STK39: variants seen among roughly 807,000 people sequenced by gnomAD.
STK39 encodes STE20/SPS1-related proline-alanine-rich protein kinase.
STK39 carries 20 observed loss-of-function variants against 77.8 expected under a neutral mutation model. That is an observed-to-expected ratio of 0.26 (90% CI 0.18 to 0.37). The LOEUF (loss-of-function observed/expected upper bound fraction) is 0.37. Ranked by LOEUF, STK39 falls within the 10% of genes least tolerant of loss-of-function variation. The probability of loss-of-function intolerance (pLI) is 1.00; values close to 1 mark genes in which losing one functional copy is unlikely to be tolerated. For synonymous variants in STK39, 246 were observed against 234.1 expected, an observed-to-expected ratio of 1.05 and a Z score of -0.47; for missense variants, 479 against 656.5, an observed-to-expected ratio of 0.73 and a Z score of 2.95.
intron 14 of STK39, among the ~76,000 whole-genome samples, chr2:168,033,280 G>T (rs878882339): frequency 1.3e-5 from 2 of 152,090 alleles, no homozygotes; most frequent in Admixed American, 1.3e-4. Flanking sequence ...TGGGCTGAGA[G>T]CATTTGAGGT....
intron 17 of STK39, 40 bp downstream of exon 17, chr2:167,964,622 G>A (rs770376788): frequency 1.3e-6 from 2 of 1,545,348 alleles, no homozygotes; most frequent in Non-Finnish European, 1.8e-6. Flanking sequence ...GCACAGCATG[G>A]CAAAATATTA....
At chr2:168,103,789 T>C (rs1686899453) in intron 10 of STK39, among the ~76,000 whole-genome samples, 1 of 152,232 alleles carries the variant, frequency 6.6e-6, no homozygotes, top group African/African-American at 2.4e-5. Flanking sequence ...TTCTGTAAAC[T>C]TTCTTCTCTT....
At chr2:167,978,576 G>C (rs1364985079) in intron 16 of STK39, among the ~76,000 whole-genome samples, 1 of 152,108 alleles carries the variant, frequency 6.6e-6, no homozygotes, top group Non-Finnish European at 1.5e-5. Context: ...TTATACTAAT[G>C]TAAGCAGCTT....
chr2:168,239,203 T>G lies in STK39; in HGVS notation c.208+8025A>C, dbSNP rs191225984. 5.1e-4 allele frequency among the ~76,000 whole-genome samples: 77 copies of G among 152,228 alleles called. 1 individual carries two copies. Among genetic ancestry groups the G allele is most frequent in the Admixed American group, 5.0e-3 (77 of 15,286 alleles). ...CCCTGATTCCTACACAGGAAGAGGC[T>G]CCACAGAACTTCAAGGTGAGTGTTA... is the stretch of plus-strand genomic sequence containing the variant. On this transcript the variant is annotated intron_variant, in intron 1 of 17. Transcript: ENST00000355999.
intron 5 of STK39, among the ~76,000 whole-genome samples, chr2:168,145,666 A>C (rs908646599): frequency 5.3e-5 from 8 of 152,196 alleles, no homozygotes; most frequent in Admixed American, 2.0e-4. Flanking sequence ...ATGATGTCTA[A>C]AATGTACCTA....
At chr2:168,071,794 C>T (rs138423242) in intron 12 of STK39, among the ~76,000 whole-genome samples, 1,538 of 150,838 alleles carry the variant, frequency 0.01, 31 homozygotes, top group African/African-American at 0.035. Flanking sequence ...GGCGTGAACC[C>T]GGGAAGCACA....
At chr2:167,957,067 AC>A (rs968660410) in intron 17 of STK39, among the ~76,000 whole-genome samples, 3 of 152,062 alleles carry the variant, frequency 2.0e-5, no homozygotes, top group Admixed American at 1.3e-4. Context: ...GTTCAAAAAA[AC>A]AGTACAGAAA....
At chr2:168,202,724 A>G (rs1360823951) in intron 1 of STK39, among the ~76,000 whole-genome samples, 2 of 152,144 alleles carry the variant, frequency 1.3e-5, no homozygotes, top group Admixed American at 1.3e-4. Context: ...CTTCAGAAAC[A>G]TAATATGTGA....
intron 15 of STK39, among the ~76,000 whole-genome samples, chr2:168,013,739 C>A (rs115663479): frequency 1.3e-5 from 2 of 151,912 alleles, no homozygotes; most frequent in Admixed American, 1.3e-4. Context: ...TAACCATAAA[C>A]TGCATTTCCT....
At chr2:168,152,202 C>T (rs1216223708) in intron 5 of STK39, among the ~76,000 whole-genome samples, 1 of 152,198 alleles carries the variant, frequency 6.6e-6, no homozygotes, top group African/African-American at 2.4e-5. Flanking sequence ...AGGAAAAACA[C>T]AGATAATTCC....
intron 10 of STK39, among the ~76,000 whole-genome samples, chr2:168,109,108 G>T (rs573071855): frequency 6.6e-6 from 1 of 152,230 alleles, no homozygotes; most frequent in South Asian, 2.1e-4. Context: ...GACTCTTCAT[G>T]TTGTTGCGAT....
chr2:168,240,058 AAGAC>A, intron 1 of STK39, among the ~76,000 whole-genome samples: 1 of 152,362 alleles, frequency 6.6e-6, no homozygotes, highest in Admixed American at 6.5e-5. Flanking sequence ...TTTAAAAGAA[AAGAC>A]AGAGCTCTTT....
At chr2:167,982,799 A>C (rs1298931378) in intron 16 of STK39, among the ~76,000 whole-genome samples, 3 of 152,200 alleles carry the variant, frequency 2.0e-5, no homozygotes, top group Non-Finnish European at 4.4e-5. Context: ...AAAGATGAAG[A>C]TAGGTAGAGC....
chr2:168,170,765 G>A lies in STK39; in HGVS notation c.322-3358C>T, dbSNP rs199808681. On this transcript the variant is annotated intron_variant, in intron 2 of 17. Transcript: ENST00000355999. ...AGTAGTGGGTCTGGCCGACAGTACT[G>A]CCTGGCTGAGTCTAACTGGAGGAGA... 2.2e-4 allele frequency among the ~76,000 whole-genome samples: 34 copies of A among 152,330 alleles called. 1 individual carries two copies. In the East Asian group the frequency reaches 6.4e-3, roughly 28 times the overall value.
intron 8 of STK39, among the ~76,000 whole-genome samples, chr2:168,132,391 T>C (rs1268229823): frequency 6.6e-6 from 1 of 151,920 alleles, no homozygotes; most frequent in African/African-American, 2.4e-5. Context: ...CTTCGCAAAT[T>C]AGCGTCTTAA....
chr2:168,144,878 G>A (rs1039734518), intron 5 of STK39, among the ~76,000 whole-genome samples: 1 of 151,860 alleles, frequency 6.6e-6, no homozygotes, highest in Non-Finnish European at 1.5e-5. Flanking sequence ...CTACTCAGGA[G>A]GATGAAATGG....
intron 10 of STK39, among the ~76,000 whole-genome samples, chr2:168,107,847 T>C (rs932109720): frequency 2.0e-5 from 3 of 152,222 alleles, no homozygotes; most frequent in Non-Finnish European, 4.4e-5. Flanking sequence ...GTTTATAGTG[T>C]CCTAAACTTT....
At chr2:168,014,028 CTG>C (rs35634842) in intron 15 of STK39, among the ~76,000 whole-genome samples, 20,541 of 152,080 alleles carry the variant, frequency 0.14, 1,610 homozygotes, top group Middle Eastern at 0.18. Context: ...TCCAGAGAAA[CTG>C]TGGTATTCTG....
chr2:168,203,414 C>A (rs1216915683), intron 1 of STK39, among the ~76,000 whole-genome samples: 4 of 151,342 alleles, frequency 2.6e-5, no homozygotes, highest in Non-Finnish European at 5.9e-5. Flanking sequence ...GTCCAAGAAT[C>A]AACTGCCCTC....
Sources: gnomAD v4.1 joint callset for allele counts (sites outside exome capture counted in the v4.1 genomes callset) on GRCh38, gnomAD v4.1.1 for gene constraint, MANE v1.5 for transcripts, NCBI Gene and HGNC (gene_info 2026-07-23, HGNC 2026-07-21) for gene names.